TBC1D22B: variants seen among roughly 807,000 people sequenced by gnomAD.
The protein encoded by TBC1D22B is chromosome 6 open reading frame 197.
Under a neutral mutation model 69.1 loss-of-function variants are expected in TBC1D22B, and 32 were observed. That is an observed-to-expected ratio of 0.46 (90% CI 0.35 to 0.62). TBC1D22B has a LOEUF of 0.62. TBC1D22B is among the 20% of genes least tolerant of loss of function. TBC1D22B has a pLI of 0.00. For missense variants in TBC1D22B, 462 were observed against 630.9 expected (o/e 0.73, Z 2.87); for synonymous variants, 206 against 229.8 (o/e 0.90, Z 0.94).
intron 8 of TBC1D22B, among the ~76,000 whole-genome samples, chr6:37,298,947 T>C (rs1435904565): frequency 6.6e-6 from 1 of 152,212 alleles, no homozygotes; most frequent in Non-Finnish European, 1.5e-5. Flanking sequence ...TCTGAAAGAG[T>C]CCTAGAAGTG....
At chr6:37,299,737 T>C (rs1046899926) in intron 8 of TBC1D22B, among the ~76,000 whole-genome samples, 10 of 152,132 alleles carry the variant, frequency 6.6e-5, no homozygotes, top group African/African-American at 2.4e-4. Context: ...TGGCCGGGCA[T>C]GGTGGCTCAC....
intron 9 of TBC1D22B, among the ~76,000 whole-genome samples, chr6:37,313,592 G>T (rs918182317): frequency 1.1e-4 from 16 of 152,068 alleles, no homozygotes; most frequent in African/African-American, 3.9e-4. Flanking sequence ...GCTCCTTTCT[G>T]CTCTGTACCC....
intron 12 of TBC1D22B, among the ~76,000 whole-genome samples, chr6:37,325,374 TA>T (rs1768359476): frequency 6.6e-6 from 1 of 152,114 alleles, no homozygotes; most frequent in Admixed American, 6.5e-5. Context: ...CTCCTGACTA[TA>T]GTATCTCATC....
At position 37,304,559 on chromosome 6, in the gene TBC1D22B, T is replaced by C. The variant is rs1035567575; in HGVS notation, c.983-8359T>C. ...TATATATTGTATGATTCACATTATA[T>C]GGAGTTAAAAATAGGTAAAGCTTAT... On this transcript the variant is annotated intron_variant, in intron 8 of 12. Coordinates refer to ENST00000373491, the MANE Select transcript of TBC1D22B (RefSeq NM_017772.4). Among the ~76,000 whole-genome samples the C allele has an allele frequency of 2.0e-5, 3 of 152,188 alleles. No individual in the cohort carries two copies. In the East Asian group the frequency reaches 5.8e-4, roughly 29 times the overall value.
intron 12 of TBC1D22B, among the ~76,000 whole-genome samples, chr6:37,320,790 C>T (rs1470080875): frequency 2.6e-5 from 4 of 152,126 alleles, no homozygotes; most frequent in African/African-American, 4.8e-5. Flanking sequence ...TTCCTGAGAC[C>T]GCTGGGCAAA....
chr6:37,327,958 A>G (rs1581640457), intron 12 of TBC1D22B, among the ~76,000 whole-genome samples: 1 of 151,928 alleles, frequency 6.6e-6, no homozygotes, highest in African/African-American at 2.4e-5. Context: ...GCTGGTAGAG[A>G]TCTAGGGAAA....
intron 2 of TBC1D22B, among the ~76,000 whole-genome samples, chr6:37,276,120 A>G (rs1766664246): frequency 6.6e-6 from 1 of 151,716 alleles, no homozygotes; most frequent in Admixed American, 6.6e-5. Flanking sequence ...GTGCACCACC[A>G]CACCTGGCTA....
At chr6:37,287,198 C>G in intron 7 of TBC1D22B, 126 bp downstream of exon 7, 1 of 663,056 alleles carries the variant, frequency 1.5e-6, no homozygotes, top group South Asian at 2.3e-5. Context: ...TCCTTCAGAG[C>G]ATGGTTTCAT....
intron 12 of TBC1D22B, chr6:37,324,292 T>C (rs1283725679): frequency 2.2e-6 from 1 of 456,724 alleles, no homozygotes; most frequent in South Asian, 1.5e-5. Context: ...TAGTCAACTC[T>C]TAGTCACCAG....
At chr6:37,292,693 T>C (rs1171089289) in intron 8 of TBC1D22B, among the ~76,000 whole-genome samples, 2 of 152,246 alleles carry the variant, frequency 1.3e-5, no homozygotes, top group African/African-American at 4.8e-5. Flanking sequence ...TCATGAAATC[T>C]TGCTAACAGT....
intron 12 of TBC1D22B, among the ~76,000 whole-genome samples, chr6:37,329,717 T>C (rs1410101214): frequency 1.3e-5 from 2 of 152,212 alleles, no homozygotes; most frequent in Admixed American, 6.5e-5. Flanking sequence ...GGGACTCTGA[T>C]TTGTCTTATT....
chr6:37,268,568 A>G (rs1461707768), intron 1 of TBC1D22B, among the ~76,000 whole-genome samples: 2 of 152,196 alleles, frequency 1.3e-5, no homozygotes, highest in Non-Finnish European at 2.9e-5. Context: ...AAAGCACATG[A>G]AGCACAAATG....
chr6:37,316,537 G>C (rs956916150), intron 10 of TBC1D22B, among the ~76,000 whole-genome samples, 166 bp from the exon 11 acceptor site: 1 of 152,204 alleles, frequency 6.6e-6, no homozygotes, highest in Non-Finnish European at 1.5e-5. Flanking sequence ...GTTGCTGTGA[G>C]ATGATGGAAT....
intron 6 of TBC1D22B, among the ~76,000 whole-genome samples, chr6:37,285,394 G>C (rs1399482811): frequency 1.6e-5 from 2 of 124,518 alleles, no homozygotes; most frequent in African/African-American, 6.2e-5. Flanking sequence ...GCGTGATCTT[G>C]GCTCACTGCA....
At chr6:37,290,828 C>CA (rs35844447) in intron 7 of TBC1D22B, among the ~76,000 whole-genome samples, 10,079 of 142,332 alleles carry the variant, frequency 0.071, 427 homozygotes, top group African/African-American at 0.13. Flanking sequence ...CTATAATGAC[C>CA]AAAAAAAAAA....
At chr6:37,306,504 G>C (rs1767723307) in intron 8 of TBC1D22B, among the ~76,000 whole-genome samples, 1 of 152,170 alleles carries the variant, frequency 6.6e-6, no homozygotes, top group South Asian at 2.1e-4. Context: ...GCTGGACCTT[G>C]CCTTTCCTTT....
intron 8 of TBC1D22B, among the ~76,000 whole-genome samples, chr6:37,306,574 G>T (rs1767725253): frequency 6.6e-6 from 1 of 152,136 alleles, no homozygotes; most frequent in Admixed American, 6.5e-5. Context: ...TATAATCTGG[G>T]ATCCTATAGC....
At chr6:37,324,488 A>G (rs1455822122) in intron 12 of TBC1D22B, 1 of 390,792 alleles carries the variant, frequency 2.6e-6, no homozygotes, top group African/African-American at 2.1e-5. Flanking sequence ...CCTTACTGAA[A>G]TTGTCTGGAT....
chr6:37,321,458 AC>A (rs1768241829), intron 12 of TBC1D22B, among the ~76,000 whole-genome samples: 1 of 152,222 alleles, frequency 6.6e-6, no homozygotes, highest in South Asian at 2.1e-4. Flanking sequence ...TCACAAAGAA[AC>A]ATTTAGCAAC....
Sources: allele counts gnomAD v4.1 joint callset (sites outside exome capture counted in the v4.1 genomes callset), GRCh38; gene constraint gnomAD v4.1.1; transcripts MANE v1.5; gene names NCBI Gene and HGNC (gene_info 2026-07-23, HGNC 2026-07-21).